CDK2AP1: variants seen among roughly 807,000 people sequenced by gnomAD.
CDK2AP1 encodes cyclin dependent kinase 2 associated protein 1.
Under a neutral mutation model 14.1 loss-of-function variants are expected in CDK2AP1, and 10 were observed. The ratio of observed to expected loss-of-function variants is 0.71; its 90% CI spans 0.44 to 1.20. The LOEUF (loss-of-function observed/expected upper bound fraction) is 1.20. Among genes scored for constraint, CDK2AP1 ranks in the 50% most tolerant of loss-of-function variants. The pLI, the probability that CDK2AP1 is intolerant of heterozygous loss-of-function variation, is 0.00. For synonymous variants in CDK2AP1, 59 were observed against 59.8 expected, an observed-to-expected ratio of 0.99 and a Z score of 0.06; for missense variants, 102 against 149.9, an observed-to-expected ratio of 0.68 and a Z score of 1.67.
intron 3 of CDK2AP1, chr12:123,262,128 A>C: frequency 8.4e-6 from 2 of 238,360 alleles, no homozygotes; most frequent in Non-Finnish European, 8.2e-6. Context: ...TTGACCCACT[A>C]TGGAGATTTT....
At chr12:123,266,684 G>T (rs1286937215) in intron 2 of CDK2AP1, among the ~76,000 whole-genome samples, 1 of 152,236 alleles carries the variant, frequency 6.6e-6, no homozygotes, top group Non-Finnish European at 1.5e-5. Context: ...TCACAGTCTG[G>T]AAAGTGGTGG....
rs1312737189 is a variant in CDK2AP1 at position 123,265,029 on chromosome 12, A to G, written c.280+167T>C. Among the ~76,000 whole-genome samples, 2 of 152,134 alleles carry G rather than the reference A, an allele frequency of 1.3e-5. No homozygotes were observed. The highest frequency in any genetic ancestry group is 2.4e-5 in the African/African-American group (1 of 41,436). On this transcript the variant is annotated intron_variant, in intron 3 of 3. Coordinates refer to ENST00000261692, the MANE Select transcript of CDK2AP1 (RefSeq NM_004642.4). This position sits in a 1 kb window ranked among gnomAD's most constrained non-coding sequence, Gnocchi z 5.3. ...CCCCAGGCCCCTCGCTACCAGACCC[A>G]TCGCCTGCCTGAGGCCTCCACCACA...
At position 123,265,532 on chromosome 12, in the gene CDK2AP1, G is replaced by T. The variant is rs1485078265; in HGVS notation, c.154-210C>A. Among the ~76,000 whole-genome samples the T allele has an allele frequency of 6.7e-6, 1 of 150,222 alleles. No individual in the cohort carries two copies. The highest frequency in any genetic ancestry group is 1.5e-5 in the Non-Finnish European group (1 of 67,596). ...GAAAAAAAAAAAAAAGGGTTCAGCA[G>T]CCTGACCCCAAGGCCACAGGCAGGT... On this transcript the variant is annotated intron_variant, in intron 2 of 3. Coordinates refer to ENST00000261692, the MANE Select transcript of CDK2AP1 (RefSeq NM_004642.4). This position sits in a 1 kb window ranked among gnomAD's most constrained non-coding sequence, Gnocchi z 5.3.
chr12:123,271,703 G>T lies in CDK2AP1; in HGVS notation c.-85C>A. On this transcript the variant is annotated 5_prime_UTR_variant, in exon 1 of 4. Coordinates refer to ENST00000261692, the MANE Select transcript of CDK2AP1 (RefSeq NM_004642.4). ...GGCGGCGAGGCCGGGCGGTAGCGCT[G>T]CAGCCCCGCGCCCGTCCGAGCGCCC... 1 of 410,818 alleles carries T rather than the reference G, an allele frequency of 2.4e-6. No individual in the cohort carries two copies. The highest frequency in any genetic ancestry group is 3.2e-6 in the Non-Finnish European group (1 of 308,126). The allele number at this position is 410,818 out of a possible 1,614,324, so 25.4% of individuals were successfully genotyped here.
chr12:123,270,956 C>A, intron 1 of CDK2AP1: 2 of 985,008 alleles, frequency 2.0e-6, no homozygotes, highest in Non-Finnish European at 2.4e-6. Context: ...GGCCCCCGGG[C>A]CTCCGAGTAC....
intron 3 of CDK2AP1, among the ~76,000 whole-genome samples, chr12:123,264,793 C>T (rs1452770640): frequency 6.6e-6 from 1 of 152,142 alleles, no homozygotes; most frequent in East Asian, 1.9e-4. Context: ...AAAGAGGTGA[C>T]AGCAGAGGGC....
In CDK2AP1 at chr12:123,271,769, C is replaced by G. The variant is rs1448767324; in HGVS notation, c.-151G>C. The stretch of plus-strand genomic sequence containing the variant: ...ACTTTTTGTTGTCGGCGGCTCGGGC[C>G]GCGCCGGCAAATATGGCCGTCCGCG... On this transcript the variant is annotated 5_prime_UTR_variant, in exon 1 of 4. Coordinates refer to ENST00000261692, the MANE Select transcript of CDK2AP1 (RefSeq NM_004642.4). 6.3e-6 allele frequency: 1 copy of G among 157,942 alleles called. No individual in the cohort carries two copies. Among genetic ancestry groups the G allele is most frequent in the Non-Finnish European group, 1.3e-5 (1 of 76,536 alleles). 9.8% of individuals were successfully genotyped at this position (157,942 alleles called of 1,614,324 possible). A position where few individuals can be genotyped will look rare whatever the true frequency, so the allele number is the denominator to read the frequency against.
intron 2 of CDK2AP1, among the ~76,000 whole-genome samples, 167 bp downstream of exon 2, chr12:123,267,018 T>TC (rs1163407458): frequency 6.6e-6 from 1 of 152,164 alleles, no homozygotes; most frequent in Non-Finnish European, 1.5e-5. Context: ...CCCAGTGCCC[T>TC]CCACTCTGAT....
At chr12:123,271,084 C>G (rs1351579405) in intron 1 of CDK2AP1, 2 of 905,860 alleles carry the variant, frequency 2.2e-6, no homozygotes, top group Non-Finnish European at 1.3e-6. Context: ...CCGCGCCCGC[C>G]CGCGCGGGTC....
At chr12:123,269,809 G>A (rs1037154944) in intron 1 of CDK2AP1, among the ~76,000 whole-genome samples, 1 of 152,196 alleles carries the variant, frequency 6.6e-6, no homozygotes, top group Non-Finnish European at 1.5e-5. Flanking sequence ...GGAAGCCGGA[G>A]GAGCAGCGGC....
At position 123,268,148 on chromosome 12, in the gene CDK2AP1, C is replaced by T. The variant is rs566497093; in HGVS notation, c.56-866G>A. On this transcript the variant is annotated intron_variant, in intron 1 of 3. Transcript: ENST00000261692. ...GGATATCCTGCAGAATGACAAACAG[C>T]GGTAACCATGGAGAATTTACCTAGT... The T allele has an allele frequency of 6.1e-5, 59 of 968,752 alleles. No individual in the cohort carries two copies. In the African/African-American group the frequency reaches 8.4e-4, roughly 14 times the overall value. The allele number at this position is 968,752 out of a possible 1,614,324, so 60.0% of individuals were successfully genotyped here. A position where few individuals can be genotyped will look rare whatever the true frequency, so the allele number is the denominator to read the frequency against.
At chr12:123,270,921 C>A in intron 1 of CDK2AP1, 1 of 985,300 alleles carries the variant, frequency 1.0e-6, no homozygotes, top group Non-Finnish European at 1.2e-6. Flanking sequence ...CATGGGGTAG[C>A]CCCTGCTCCC....
rs2048233484 is a variant in CDK2AP1 at position 123,261,638 on chromosome 12, A to T, written c.*98T>A. On this transcript the variant is annotated 3_prime_UTR_variant, in exon 4 of 4. Coordinates refer to ENST00000261692, the MANE Select transcript of CDK2AP1 (RefSeq NM_004642.4). Reference sequence around the variant, plus strand: ...ACCATGGGAGGAAAAACGAAACTGTAACCATTTTGAAAACAAGGGTTTCAT... The same window carrying T: ...ACCATGGGAGGAAAAACGAAACTGTTACCATTTTGAAAACAAGGGTTTCAT... 2 of 1,005,924 alleles carry T rather than the reference A, an allele frequency of 2.0e-6. No homozygotes were observed. The highest frequency in any genetic ancestry group is 2.6e-5 in the South Asian group (2 of 75,518). The allele number at this position is 1,005,924 out of a possible 1,614,324, so 62.3% of individuals were successfully genotyped here.
chr12:123,266,907 G>A (rs1291663999), intron 2 of CDK2AP1, among the ~76,000 whole-genome samples: 1 of 152,214 alleles, frequency 6.6e-6, no homozygotes, highest in Admixed American at 6.5e-5. Context: ...AGGCCCACTG[G>A]AGGAACGCGT....
At position 123,265,456 on chromosome 12, in the gene CDK2AP1, TCACTC is replaced by T; in HGVS notation, c.154-139_154-135del. The stretch of plus-strand genomic sequence containing the variant: ...AGGTGGAAGTTGCAGTGAGCCAAGA[TCACTC>T]CACTGCACTCCAGCCTGGGCAACAG... On this transcript the variant is annotated intron_variant, in intron 2 of 3. Transcript: ENST00000261692. The surrounding 1 kb of genome is among the most constrained non-coding windows in gnomAD (Gnocchi z 5.3). 1 of 747,592 alleles carries T rather than the reference TCACTC, an allele frequency of 1.3e-6. No homozygotes were observed. Among genetic ancestry groups the T allele is most frequent in the East Asian group, 2.6e-5 (1 of 38,032 alleles). 46.3% of individuals were successfully genotyped at this position (747,592 alleles called of 1,614,324 possible). A position where few individuals can be genotyped will look rare whatever the true frequency, so the allele number is the denominator to read the frequency against.
chr12:123,266,190 C>A (rs1481944521), intron 2 of CDK2AP1, among the ~76,000 whole-genome samples: 1 of 152,238 alleles, frequency 6.6e-6, no homozygotes, highest in African/African-American at 2.4e-5. Flanking sequence ...CCTGGCCTCG[C>A]GCTCTGTCCT....
intron 1 of CDK2AP1, among the ~76,000 whole-genome samples, chr12:123,268,495 C>T (rs2048320965): frequency 6.6e-6 from 1 of 152,276 alleles, no homozygotes; most frequent in African/African-American, 2.4e-5. Context: ...CGGCACCTGC[C>T]CCTCTCTCCG....
At chr12:123,263,063 A>G (rs551483831) in intron 3 of CDK2AP1, among the ~76,000 whole-genome samples, 120 of 151,798 alleles carry the variant, frequency 7.9e-4, no homozygotes, top group South Asian at 1.3e-3. Context: ...AAAATACAAA[A>G]ATTAGATGGG....
At chr12:123,266,153 C>G (rs922418595) in intron 2 of CDK2AP1, among the ~76,000 whole-genome samples, 1 of 152,170 alleles carries the variant, frequency 6.6e-6, no homozygotes, top group Non-Finnish European at 1.5e-5. Context: ...TCCTTGCCTC[C>G]CCCCTCCTCC....
Sources: gnomAD v4.1 joint callset for allele counts (sites outside exome capture counted in the v4.1 genomes callset) on GRCh38, gnomAD v4.1.1 for gene constraint, Gnocchi (gnomAD v3.1) non-coding constraint, MANE v1.5 for transcripts, NCBI Gene and HGNC (gene_info 2026-07-23, HGNC 2026-07-21) for gene names.